The following ADGRB3 variants were observed in gnomAD, a reference collection of about 807,000 sequenced individuals.
The protein encoded by ADGRB3 is brain-specific angiogenesis inhibitor 3.
A neutral mutation model predicts 193.4 loss-of-function variants in ADGRB3; 37 were observed. The ratio of observed to expected loss-of-function variants is 0.19; its 90% CI spans 0.15 to 0.25. The LOEUF is 0.25. Ranked by LOEUF, ADGRB3 falls within the 10% of genes least tolerant of loss-of-function variation. The probability of loss-of-function intolerance (pLI) is 1.00; values close to 1 mark genes in which losing one functional copy is unlikely to be tolerated. For missense variants in ADGRB3, 1,637 were observed against 1,852.9 expected, an observed-to-expected ratio of 0.88 and a Z score of 2.14; for synonymous variants, 690 against 644.2, an observed-to-expected ratio of 1.07 and a Z score of -1.08.
intron 3 of ADGRB3, among the ~76,000 whole-genome samples, chr6:68,900,634 C>T (rs1159037021): frequency 6.6e-6 from 1 of 152,156 alleles, no homozygotes; most frequent in African/African-American, 2.4e-5. Context: ...GAACAAAGTA[C>T]CATGGTGACA....
intron 20 of ADGRB3, among the ~76,000 whole-genome samples, chr6:69,254,851 T>G (rs1476271419): frequency 1.1e-5 from 1 of 87,300 alleles, no homozygotes; most frequent in South Asian, 4.8e-4. Context: ...ATGCTATCCC[T>G]CCCCCCTCCC....
intron 3 of ADGRB3, among the ~76,000 whole-genome samples, chr6:68,863,063 A>G (rs963807219): frequency 1.3e-5 from 2 of 152,068 alleles, no homozygotes; most frequent in Non-Finnish European, 2.9e-5. Context: ...AATAATTACT[A>G]TATTTTTTGT....
chr6:68,957,375 A>C (rs550317325), intron 8 of ADGRB3, among the ~76,000 whole-genome samples: 2 of 152,356 alleles, frequency 1.3e-5, no homozygotes, highest in African/African-American at 4.8e-5. Context: ...ATTTAGAACA[A>C]AAACTCCTTC....
At chr6:68,686,331 C>A (rs1764982747) in intron 3 of ADGRB3, among the ~76,000 whole-genome samples, 1 of 152,000 alleles carries the variant, frequency 6.6e-6, no homozygotes, top group Non-Finnish European at 1.5e-5. Flanking sequence ...TGACAAAATG[C>A]CTTGACCATC....
intron 20 of ADGRB3, among the ~76,000 whole-genome samples, chr6:69,292,306 T>C (rs1255421598): frequency 1.3e-5 from 2 of 152,138 alleles, no homozygotes; most frequent in African/African-American, 2.4e-5. Flanking sequence ...GGATGAATAA[T>C]TACTATTAAG....
chr6:68,683,353 A>T (rs1764928910), intron 3 of ADGRB3, among the ~76,000 whole-genome samples: 1 of 152,170 alleles, frequency 6.6e-6, no homozygotes, highest in Non-Finnish European at 1.5e-5. Flanking sequence ...TTAAATTATG[A>T]TATCATAAGA....
chr6:68,837,734 G>A (rs1023412975), intron 3 of ADGRB3, among the ~76,000 whole-genome samples: 7 of 152,116 alleles, frequency 4.6e-5, no homozygotes, highest in Non-Finnish European at 1.0e-4. Context: ...GATCTGGAGG[G>A]GAATGGGGGG....
chr6:69,253,125 C>A lies in ADGRB3; in HGVS notation c.2814+13899C>A, dbSNP rs148727156. Among the ~76,000 whole-genome samples the A allele has an allele frequency of 3.3e-3, 493 of 151,190 alleles. 1 individual carries two copies. Among genetic ancestry groups the A allele is most frequent in the African/African-American group, 0.011 (467 of 41,184 alleles). ...TGTGTGGATCTGTTTCTGGATTTCT[C>A]CATTGTTTCTGTGATCTATCTTTCC... On this transcript the variant is annotated intron_variant, in intron 20 of 31. Coordinates refer to ENST00000370598, the MANE Select transcript of ADGRB3 (RefSeq NM_001704.3).
intron 3 of ADGRB3, among the ~76,000 whole-genome samples, chr6:68,836,076 C>A (rs1209524989): frequency 1.3e-5 from 2 of 152,176 alleles, no homozygotes; most frequent in East Asian, 3.9e-4. Flanking sequence ...CTTCTTTTCT[C>A]TAGTATATCG....
At chr6:68,922,189 C>G (rs538331872) in intron 3 of ADGRB3, among the ~76,000 whole-genome samples, 1 of 152,228 alleles carries the variant, frequency 6.6e-6, no homozygotes, top group African/African-American at 2.4e-5. Context: ...ATGTTCACAG[C>G]TACATCTCCA....
chr6:68,854,092 G>A lies in ADGRB3; in HGVS notation c.758-76467G>A, dbSNP rs181290001. Reference sequence around the variant, plus strand: ...TATCCAGACACAGTCTCAGGATTTTGTGTCGTTGTTTTTGTCTTTTGTTGA... The same window carrying A: ...TATCCAGACACAGTCTCAGGATTTTATGTCGTTGTTTTTGTCTTTTGTTGA... On this transcript the variant is annotated intron_variant, in intron 3 of 31. Coordinates refer to ENST00000370598, the MANE Select transcript of ADGRB3 (RefSeq NM_001704.3). Among the ~76,000 whole-genome samples, 98 of 152,222 alleles carry A rather than the reference G, an allele frequency of 6.4e-4. 2 individuals are homozygous for A. Among genetic ancestry groups the A allele is most frequent in the Middle Eastern group, 3.4e-3 (1 of 294 alleles).
At chr6:69,142,515 A>G (rs1264354301) in intron 17 of ADGRB3, among the ~76,000 whole-genome samples, 1 of 152,204 alleles carries the variant, frequency 6.6e-6, no homozygotes, top group Non-Finnish European at 1.5e-5. Flanking sequence ...CAGGTGCAGA[A>G]TACATCCCAC....
chr6:68,772,882 C>CAAAAAAA (rs763967322), intron 3 of ADGRB3, among the ~76,000 whole-genome samples: 3 of 23,918 alleles, frequency 1.3e-4, no homozygotes, highest in South Asian at 1.7e-3. Flanking sequence ...AACAAACAAA[C>CAAAAAAA]AAAAAAAAAA....
intron 3 of ADGRB3, among the ~76,000 whole-genome samples, chr6:68,786,586 A>C (rs542906720): frequency 2.6e-5 from 4 of 152,112 alleles, no homozygotes; most frequent in African/African-American, 9.7e-5. Context: ...TTCAGGTAGC[A>C]TGATGCCTCC....
chr6:69,122,609 A>G (rs993956013), intron 17 of ADGRB3, among the ~76,000 whole-genome samples: 1 of 151,828 alleles, frequency 6.6e-6, no homozygotes, highest in African/African-American at 2.4e-5. Context: ...AGTTTTATAG[A>G]AGTCTGCAGA....
intron 3 of ADGRB3, among the ~76,000 whole-genome samples, chr6:68,823,619 T>A (rs977810723): frequency 6.6e-6 from 1 of 152,078 alleles, no homozygotes; most frequent in African/African-American, 2.4e-5. Context: ...CTGTTCTATT[T>A]TGGTTAATAA....
At chr6:69,110,737 A>G (rs546559421) in intron 17 of ADGRB3, among the ~76,000 whole-genome samples, 3 of 152,306 alleles carry the variant, frequency 2.0e-5, no homozygotes, top group East Asian at 3.9e-4. Flanking sequence ...CGTAGCACAT[A>G]ATATTTTGGC....
intron 13 of ADGRB3, among the ~76,000 whole-genome samples, chr6:69,037,991 CT>C (rs1319118471): frequency 6.6e-6 from 1 of 152,082 alleles, no homozygotes; most frequent in Non-Finnish European, 1.5e-5. Flanking sequence ...AGGATGGAGA[CT>C]TTTTTCACAG....
chr6:68,951,564 G>A (rs1767920839), intron 6 of ADGRB3, among the ~76,000 whole-genome samples: 1 of 152,090 alleles, frequency 6.6e-6, no homozygotes, highest in Non-Finnish European at 1.5e-5. Flanking sequence ...GCCAATCACA[G>A]ACTAAATTTT....
Sources: gnomAD v4.1 joint callset for allele counts (sites outside exome capture counted in the v4.1 genomes callset) on GRCh38, gnomAD v4.1.1 for gene constraint, MANE v1.5 for transcripts, NCBI Gene and HGNC (gene_info 2026-07-23, HGNC 2026-07-21) for gene names.